STARD13: variants seen among roughly 807,000 people sequenced by gnomAD.
STARD13 encodes the protein stAR-related lipid transfer protein 13.
A neutral mutation model predicts 106.4 loss-of-function variants in STARD13; 62 were observed. The ratio of observed to expected loss-of-function variants is 0.58; its 90% confidence interval spans 0.48 to 0.72. The LOEUF is 0.72. Ranked by LOEUF, STARD13 falls within the 30% of genes least tolerant of loss-of-function variation. STARD13 has a pLI of 0.00. For synonymous variants in STARD13, 565 were observed against 553.0 expected (o/e 1.02, Z -0.31); for missense variants, 1,387 against 1,424.0 (o/e 0.97, Z 0.42).
At chr13:33,558,842 A>G in the STARD13 span, among the ~76,000 whole-genome samples, 1 of 151,638 alleles carries the variant, frequency 6.6e-6, no homozygotes, top group Non-Finnish European at 1.5e-5. Flanking sequence ...TGCTATTGTC[A>G]TGCACAGAAT....
the STARD13 span, among the ~76,000 whole-genome samples, chr13:33,552,824 A>C: frequency 4.6e-5 from 7 of 152,202 alleles, no homozygotes; most frequent in South Asian, 2.1e-4. Flanking sequence ...GATTTGACAC[A>C]ATTTTAGTAA....
At chr13:33,668,809 A>T in the STARD13 span, among the ~76,000 whole-genome samples, 3 of 152,172 alleles carry the variant, frequency 2.0e-5, no homozygotes, top group Non-Finnish European at 4.4e-5. Context: ...ATGCTATTTT[A>T]CATTGGTGTT....
chr13:33,433,925 C>T, the STARD13 span, among the ~76,000 whole-genome samples: 53 of 152,220 alleles, frequency 3.5e-4, no homozygotes, highest in African/African-American at 1.2e-3. Context: ...ACAATGCCCA[C>T]TCAATAAATT....
At chr13:33,446,853 T>C in the STARD13 span, among the ~76,000 whole-genome samples, 20 of 152,328 alleles carry the variant, frequency 1.3e-4, no homozygotes, top group South Asian at 4.1e-3. Context: ...GGACTATGTT[T>C]TACAGTTAAC....
intron 1 of STARD13, among the ~76,000 whole-genome samples, chr13:33,332,411 A>G (rs907830366): frequency 5.3e-5 from 8 of 152,072 alleles, no homozygotes; most frequent in Non-Finnish European, 1.0e-4. Context: ...GGCTTTTAGG[A>G]GGTAATTAGG....
At chr13:33,627,965 C>CTTTTTTTTTT in the STARD13 span, among the ~76,000 whole-genome samples, 8 of 147,268 alleles carry the variant, frequency 5.4e-5, no homozygotes, top group African/African-American at 1.8e-4. Flanking sequence ...TCTTTTTTTT[C>CTTTTTTTTTT]TTTCTTTTTT....
intron 7 of STARD13, 48 bp downstream of exon 7, chr13:33,126,033 C>A: frequency 6.2e-7 from 1 of 1,603,992 alleles, no homozygotes; most frequent in Non-Finnish European, 8.5e-7. Context: ...TCAATCCAAT[C>A]CCATGGTTGG....
the STARD13 span, among the ~76,000 whole-genome samples, chr13:33,453,258 A>G: frequency 6.6e-6 from 1 of 152,248 alleles, no homozygotes; most frequent in South Asian, 2.1e-4. Context: ...AAAACATGCT[A>G]TGCTTCATAA....
At chr13:33,475,835 T>C in the STARD13 span, among the ~76,000 whole-genome samples, 3 of 152,010 alleles carry the variant, frequency 2.0e-5, no homozygotes, top group Non-Finnish European at 2.9e-5. Flanking sequence ...CATGTGTCTG[T>C]AGTCCCAGCT....
chr13:33,201,494 A>C (rs1019842539), intron 1 of STARD13, among the ~76,000 whole-genome samples: 1 of 152,216 alleles, frequency 6.6e-6, no homozygotes, highest in African/African-American at 2.4e-5. Context: ...TTGCCAAAAA[A>C]CTTCCACAAT....
chr13:33,380,669 T>C, the STARD13 span, among the ~76,000 whole-genome samples: 1 of 152,026 alleles, frequency 6.6e-6, no homozygotes, highest in East Asian at 1.9e-4. Context: ...GTCAATGCTG[T>C]CAGAGAAGAA....
At chr13:33,208,126 G>A (rs561983776) in intron 1 of STARD13, among the ~76,000 whole-genome samples, 32 of 152,322 alleles carry the variant, frequency 2.1e-4, no homozygotes, top group African/African-American at 7.2e-4. Flanking sequence ...TTCCGTGCTA[G>A]CCACTTCAGA....
chr13:33,576,537 C>T, the STARD13 span, among the ~76,000 whole-genome samples: 6 of 152,046 alleles, frequency 3.9e-5, no homozygotes, highest in Admixed American at 2.6e-4. Flanking sequence ...CCCAGCTTAA[C>T]GCTTCTCTCT....
the STARD13 span, among the ~76,000 whole-genome samples, chr13:33,585,527 C>G: frequency 2.0e-5 from 3 of 152,072 alleles, no homozygotes; most frequent in African/African-American, 7.2e-5. Context: ...AACCCAGACT[C>G]TAGAAAAAGT....
intron 4 of STARD13, among the ~76,000 whole-genome samples, chr13:33,136,412 C>T (rs946596309): frequency 6.6e-6 from 1 of 152,202 alleles, no homozygotes; most frequent in African/African-American, 2.4e-5. Context: ...GAAACCCCAC[C>T]CTCAAGCCAA....
chr13:33,462,411 T>C, the STARD13 span, among the ~76,000 whole-genome samples: 7 of 152,228 alleles, frequency 4.6e-5, no homozygotes, highest in Non-Finnish European at 1.0e-4. Context: ...GTCAGGGTTC[T>C]CTAGAGGGAC....
chr13:33,127,347 C>T, intron 6 of STARD13, 26 bp downstream of exon 6: 1 of 1,529,860 alleles, frequency 6.5e-7, no homozygotes, highest in Non-Finnish European at 8.8e-7. Context: ...GCCAAGGATC[C>T]CCTCCTAGGT....
chr13:33,522,361 T>C, the STARD13 span, among the ~76,000 whole-genome samples: 8 of 152,082 alleles, frequency 5.3e-5, no homozygotes, highest in Non-Finnish European at 8.8e-5. Flanking sequence ...TTACAAATAA[T>C]GGACCTCCAC....
chr13:33,165,880 C>A (rs534996850), intron 2 of STARD13, among the ~76,000 whole-genome samples: 6 of 152,268 alleles, frequency 3.9e-5, no homozygotes, highest in South Asian at 2.1e-4. Context: ...GTAGCAAAAT[C>A]TTTATCACTC....
Sources: allele counts gnomAD v4.1 joint callset (sites outside exome capture counted in the v4.1 genomes callset), GRCh38; gene constraint gnomAD v4.1.1; transcripts MANE v1.5; gene names NCBI Gene and HGNC (gene_info 2026-07-23, HGNC 2026-07-21).